The following PPM1E variants were observed in gnomAD, a reference collection of about 807,000 sequenced individuals.
PPM1E encodes the protein protein phosphatase 1E.
Under a neutral mutation model 65.9 loss-of-function variants are expected in PPM1E, and 20 were observed. The ratio of observed to expected loss-of-function variants is 0.30; its 90% confidence interval spans 0.21 to 0.44. PPM1E has a LOEUF of 0.44. Ranked by LOEUF, PPM1E falls within the 20% of genes least tolerant of loss-of-function variation. The pLI, the probability that PPM1E is intolerant of heterozygous loss-of-function variation, is 1.00. For missense variants in PPM1E, 713 were observed against 953.1 expected (o/e 0.75, Z 3.32); for synonymous variants, 352 against 374.9 (o/e 0.94, Z 0.70).
At chr17:58,901,364 AG>A (rs1228612516) in intron 1 of PPM1E, among the ~76,000 whole-genome samples, 2 of 152,146 alleles carry the variant, frequency 1.3e-5, no homozygotes, top group African/African-American at 4.8e-5. Context: ...ATAACTACTG[AG>A]GGTTTTCTAT....
At chr17:58,787,234 C>G (rs777335760) in intron 1 of PPM1E, among the ~76,000 whole-genome samples, 1 of 152,158 alleles carries the variant, frequency 6.6e-6, no homozygotes, top group African/African-American at 2.4e-5. Context: ...CTGTGTGACT[C>G]TCAAACCTCA....
intron 1 of PPM1E, among the ~76,000 whole-genome samples, chr17:58,913,649 C>A (rs938785437): frequency 6.6e-6 from 1 of 152,112 alleles, no homozygotes; most frequent in Non-Finnish European, 1.5e-5. Flanking sequence ...GGCTAGGGGA[C>A]TGCTGACTGG....
At chr17:58,920,036 A>C (rs540368862) in intron 1 of PPM1E, among the ~76,000 whole-genome samples, 1 of 152,288 alleles carries the variant, frequency 6.6e-6, no homozygotes, top group East Asian at 1.9e-4. Flanking sequence ...CTAGGTGTTT[A>C]TCTATAAAAG....
chr17:58,874,625 AT>A (rs2051108888), intron 1 of PPM1E, among the ~76,000 whole-genome samples: 1 of 152,150 alleles, frequency 6.6e-6, no homozygotes, highest in Non-Finnish European at 1.5e-5. Flanking sequence ...ATCAGTTACA[AT>A]AATAATATGT....
At chr17:58,966,021 GT>G (rs1414753956) in intron 3 of PPM1E, 128 bp downstream of exon 3, 5 of 959,396 alleles carry the variant, frequency 5.2e-6, no homozygotes, top group Non-Finnish European at 6.1e-6. Context: ...GTAGGGCTAA[GT>G]GCAAAGTGGC....
rs1417987853 is a variant in PPM1E at position 58,984,568 on chromosome 17, C to CGTAA, written c.*3540_*3543dup. 6.6e-6 allele frequency: 1 copy of CGTAA among 152,462 alleles called. No individual in the cohort carries two copies. The highest frequency in any genetic ancestry group is 1.5e-5 in the Non-Finnish European group (1 of 68,028). 9.4% of individuals were successfully genotyped at this position (152,462 alleles called of 1,614,324 possible). A position where few individuals can be genotyped will look rare whatever the true frequency, so the allele number is the denominator to read the frequency against. On this transcript the variant is annotated 3_prime_UTR_variant, in exon 7 of 7. Transcript: ENST00000308249. The stretch of plus-strand genomic sequence containing the variant: ...AATTTGAGACCATTTTTCTTTGAAT[C>CGTAA]GTAAGTTAGCAAAAGAAATTTTTTT...
intron 2 of PPM1E, among the ~76,000 whole-genome samples, chr17:58,959,878 G>A (rs1360892437): frequency 1.3e-5 from 2 of 151,896 alleles, no homozygotes; most frequent in Non-Finnish European, 2.9e-5. Flanking sequence ...AAAATAAACA[G>A]TAATCTCTAA....
At chr17:58,869,455 C>G (rs900018115) in intron 1 of PPM1E, among the ~76,000 whole-genome samples, 1 of 152,076 alleles carries the variant, frequency 6.6e-6, no homozygotes, top group African/African-American at 2.4e-5. Context: ...TATTGGTTCC[C>G]ATGAGAGCTG....
At chr17:58,847,446 T>C (rs2050783080) in intron 1 of PPM1E, among the ~76,000 whole-genome samples, 1 of 152,224 alleles carries the variant, frequency 6.6e-6, no homozygotes, top group Non-Finnish European at 1.5e-5. Flanking sequence ...TTCATTTTTG[T>C]ATAAGGTGTA....
chr17:58,839,344 GA>G (rs1276520380), intron 1 of PPM1E, among the ~76,000 whole-genome samples: 1 of 151,962 alleles, frequency 6.6e-6, no homozygotes, highest in Admixed American at 6.6e-5. Context: ...TTTTTTTAAG[GA>G]AAAAATAATA....
chr17:58,761,972 T>C lies in PPM1E; in HGVS notation c.464+5511T>C, dbSNP rs1301150976. Among the ~76,000 whole-genome samples the C allele has an allele frequency of 2.0e-5, 3 of 152,214 alleles. No individual in the cohort carries two copies. The East Asian group carries it at 5.8e-4, about 29-fold the overall frequency. On this transcript the variant is annotated intron_variant, in intron 1 of 6. Transcript: ENST00000308249. ...AAATATTTGACATGTTTATTGAGAT[T>C]GGCAACTTGTTCTGTATGACGACTG...
intron 1 of PPM1E, among the ~76,000 whole-genome samples, chr17:58,794,253 A>G (rs1000908752): frequency 7.4e-5 from 11 of 149,598 alleles, no homozygotes; most frequent in Non-Finnish European, 1.5e-4. Context: ...CCAATTTTTA[A>G]TTTTTTTTTA....
intron 1 of PPM1E, among the ~76,000 whole-genome samples, chr17:58,930,419 G>A (rs2051879557): frequency 6.6e-6 from 1 of 151,864 alleles, no homozygotes; most frequent in South Asian, 2.1e-4. Flanking sequence ...ATCTGTAATT[G>A]TACCACTGCT....
chr17:58,966,518 CAA>C lies in PPM1E; in HGVS notation c.783+628_783+629del, dbSNP rs1298212273. 1.7e-4 allele frequency: 32 copies of C among 184,866 alleles called. No individual in the cohort carries two copies. The East Asian group carries it at 5.1e-3, about 30-fold the overall frequency. The allele number at this position is 184,866 out of a possible 1,614,324, so 11.5% of individuals were successfully genotyped here. On this transcript the variant is annotated intron_variant, in intron 3 of 6. Transcript: ENST00000308249. ...CTATGTTGCTGAAGCAACACAAACACAAAAGGAAGATTTAAGACTGACGCAGT... is the reference window on the plus strand; with the variant it reads ...CTATGTTGCTGAAGCAACACAAACACAAGGAAGATTTAAGACTGACGCAGT...
At position 58,835,248 on chromosome 17, in the gene PPM1E, A is replaced by T. The variant is rs931206685; in HGVS notation, c.464+78787A>T. Among the ~76,000 whole-genome samples the T allele has an allele frequency of 2.0e-5, 3 of 151,904 alleles. No individual in the cohort carries two copies. In the East Asian group the frequency reaches 5.8e-4, roughly 29 times the overall value. On this transcript the variant is annotated intron_variant, in intron 1 of 6. Coordinates refer to ENST00000308249, the MANE Select transcript of PPM1E (RefSeq NM_014906.5). Reference sequence around the variant, plus strand: ...CCCAGCTACTGGGGAGGCTAAGGCGAGGTGATTGATTGAGTCTGGGAGGTC... The same window carrying T: ...CCCAGCTACTGGGGAGGCTAAGGCGTGGTGATTGATTGAGTCTGGGAGGTC...
chr17:58,815,458 A>G (rs144172219), intron 1 of PPM1E, among the ~76,000 whole-genome samples: 3 of 152,332 alleles, frequency 2.0e-5, no homozygotes, highest in Admixed American at 6.5e-5. Context: ...TCATTGCATC[A>G]TTCTTGAAAT....
intron 1 of PPM1E, among the ~76,000 whole-genome samples, chr17:58,861,548 A>C (rs1179206033): frequency 6.6e-6 from 1 of 152,138 alleles, no homozygotes; most frequent in Non-Finnish European, 1.5e-5. Flanking sequence ...CCAAGAATTG[A>C]TTCCTTTTAG....
chr17:58,914,304 C>T (rs188784757), intron 1 of PPM1E, among the ~76,000 whole-genome samples: 145 of 152,278 alleles, frequency 9.5e-4, no homozygotes, highest in African/African-American at 3.4e-3. Context: ...TGTATTTCAT[C>T]AGCTTTTCCA....
chr17:58,982,812 C>A lies in PPM1E; in HGVS notation c.*1781C>A, dbSNP rs1450370551. ...CCCAACTATAGTGCCGGAACCTTTT[C>A]ATCATTCTGAGGCTTTGCCCCACAC... On this transcript the variant is annotated 3_prime_UTR_variant, in exon 7 of 7. Coordinates refer to ENST00000308249, the MANE Select transcript of PPM1E (RefSeq NM_014906.5). The A allele has an allele frequency of 5.1e-6, 6 of 1,183,522 alleles. No homozygotes were observed. Among genetic ancestry groups the A allele is most frequent in the Non-Finnish European group, 7.3e-6 (6 of 822,578 alleles). 73.3% of individuals were successfully genotyped at this position (1,183,522 alleles called of 1,614,324 possible). A position where few individuals can be genotyped will look rare whatever the true frequency, so the allele number is the denominator to read the frequency against.
Sources: allele counts gnomAD v4.1 joint callset (sites outside exome capture counted in the v4.1 genomes callset), GRCh38; gene constraint gnomAD v4.1.1; transcripts MANE v1.5; gene names NCBI Gene and HGNC (gene_info 2026-07-23, HGNC 2026-07-21).